The following XXYLT1 variants were observed in gnomAD, a reference collection of about 807,000 sequenced individuals.
XXYLT1 encodes the protein UDP-xylose:alpha-xyloside alpha-1,3-xylosyltransferase.
XXYLT1 carries 20 observed loss-of-function variants against 28.9 expected under a neutral mutation model. The observed-to-expected ratio is 0.69, with a 90% CI of 0.49 to 1.00. The LOEUF is 1.00. XXYLT1 is among the 50% of genes least tolerant of loss of function. The pLI, the probability that XXYLT1 is intolerant of heterozygous loss-of-function variation, is 0.00. For synonymous variants in XXYLT1, 257 were observed against 253.8 expected (o/e 1.01, Z -0.12); for missense variants, 542 against 560.1 (o/e 0.97, Z 0.33).
Position 195,173,375 on chromosome 3 carries a change from T to C in XXYLT1, c.653-16794A>G, listed in dbSNP as rs1399148689. Among the ~76,000 whole-genome samples the C allele has an allele frequency of 1.3e-5, 2 of 152,124 alleles. No individual in the cohort carries two copies. Among genetic ancestry groups the C allele is most frequent in the African/African-American group, 4.8e-5 (2 of 41,426 alleles). On this transcript the variant is annotated intron_variant, in intron 2 of 3. Coordinates refer to ENST00000310380, the MANE Select transcript of XXYLT1 (RefSeq NM_152531.5). The surrounding 1 kb of genome is among the most constrained non-coding windows in gnomAD (Gnocchi z 4.3). ...CATCTGCCTGGCCATTATGGCCTGG[T>C]TCTGCTCCTGGCCTCATTCTCCTTT...
chr3:195,114,020 G>C (rs1199684831), intron 3 of XXYLT1, among the ~76,000 whole-genome samples: 2 of 152,188 alleles, frequency 1.3e-5, no homozygotes, highest in Admixed American at 6.5e-5. Context: ...AGCCATGAGT[G>C]CCCAATTTGG....
intron 2 of XXYLT1, among the ~76,000 whole-genome samples, chr3:195,171,252 C>T (rs1047509592): frequency 1.4e-4 from 21 of 152,226 alleles, no homozygotes; most frequent in African/African-American, 5.1e-4. Context: ...CTAAGTTCTC[C>T]TGGCAGCCCT....
At position 195,070,083 on chromosome 3, in the gene XXYLT1, T is replaced by G. The variant is rs754672845; in HGVS notation, c.814A>C (p.Asn272His). ...RHTFWQFRHE[N>H]PQTRVGGPPP... ...GGGCCCCCAACCCGGGTCTGGGGGTTCTCATGGCGGAACTGCCAGAATGTG... is the reference window on the plus strand; with the variant it reads ...GGGCCCCCAACCCGGGTCTGGGGGTGCTCATGGCGGAACTGCCAGAATGTG... Residue 272 changes from asparagine (N) to histidine (H), a missense_variant, in exon 4 of 4, where the codon AAC becomes CAC. By Grantham distance (68) the Asn-to-His change is moderately conservative. Coordinates refer to ENST00000310380, the MANE Select transcript of XXYLT1 (RefSeq NM_152531.5). 1 of 1,582,042 alleles carries G rather than the reference T, an allele frequency of 6.3e-7. No individual in the cohort carries two copies.
At chr3:195,110,296 T>TG (rs1560100685) in intron 3 of XXYLT1, among the ~76,000 whole-genome samples, 1 of 5,978 alleles carries the variant, frequency 1.7e-4, no homozygotes, top group African/African-American at 6.1e-4. Context: ...TATGTGTGCG[T>TG]GTGTGGTATA....
intron 2 of XXYLT1, chr3:195,175,759 G>C (rs971622258): frequency 2.4e-5 from 37 of 1,526,048 alleles, no homozygotes; most frequent in Non-Finnish European, 3.2e-5. Context: ...CAGGGCCTCA[G>C]CCACTGCTCC....
rs59902366 is a variant in XXYLT1 at position 195,129,029 on chromosome 3, A to G, written c.785+27420T>C. Among the ~76,000 whole-genome samples, 6,446 of 152,302 alleles carry G rather than the reference A, an allele frequency of 0.042. 465 individuals are homozygous for G. The highest frequency in any genetic ancestry group is 0.15 in the African/African-American group (6,079 of 41,544). On this transcript the variant is annotated intron_variant, in intron 3 of 3. Coordinates refer to ENST00000310380, the MANE Select transcript of XXYLT1 (RefSeq NM_152531.5). The surrounding 1 kb of genome is among the most constrained non-coding windows in gnomAD (Gnocchi z 4.4). ...AGTAAAAAGGCAACTAAATCATTAA[A>G]ATGAAATAAAAATTTTCATCTTTTA...
intron 1 of XXYLT1, among the ~76,000 whole-genome samples, chr3:195,269,921 T>G (rs1725961825): frequency 6.6e-6 from 1 of 152,198 alleles, no homozygotes; most frequent in Non-Finnish European, 1.5e-5. Context: ...GGCGGCCAGC[T>G]GTGCTCTCCC....
intron 3 of XXYLT1, among the ~76,000 whole-genome samples, chr3:195,098,369 T>C (rs555477981): frequency 2.0e-5 from 3 of 152,080 alleles, no homozygotes; most frequent in Non-Finnish European, 4.4e-5. Flanking sequence ...CTGGCTAACA[T>C]GTTGAAACCC....
At chr3:195,104,825 C>G (rs919501643) in intron 3 of XXYLT1, among the ~76,000 whole-genome samples, 2 of 152,182 alleles carry the variant, frequency 1.3e-5, no homozygotes, top group African/African-American at 4.8e-5. Context: ...CACCAAAAAC[C>G]CTCTTCTGTC....
intron 2 of XXYLT1, among the ~76,000 whole-genome samples, chr3:195,205,818 G>A (rs959901729): frequency 2.0e-5 from 3 of 152,084 alleles, no homozygotes; most frequent in South Asian, 2.1e-4. Context: ...AGCCGAGATC[G>A]TGCCACTGCA....
intron 3 of XXYLT1, among the ~76,000 whole-genome samples, chr3:195,110,225 ATAAGTGTGTGGTGTG>A (rs1717470699): frequency 1.2e-3 from 34 of 29,466 alleles, no homozygotes; most frequent in East Asian, 2.7e-3. Context: ...TGTGTGGTGT[ATAAGTGTGTGGTGTG>A]CGTGTGTGGG....
chr3:195,115,512 C>T lies in XXYLT1; in HGVS notation c.785+40937G>A, dbSNP rs1480369335. Reference sequence around the variant, plus strand: ...CAACAAGAAACTCCTTCTGCTTACACCACCTGGAGTGGTTTCTGCTTCCTA... The same window carrying T: ...CAACAAGAAACTCCTTCTGCTTACATCACCTGGAGTGGTTTCTGCTTCCTA... On this transcript the variant is annotated intron_variant, in intron 3 of 3. Transcript: ENST00000310380. This position sits in a 1 kb window ranked among gnomAD's most constrained non-coding sequence, Gnocchi z 4.2. Among the ~76,000 whole-genome samples the T allele has an allele frequency of 6.6e-6, 1 of 152,216 alleles. No individual in the cohort carries two copies. Among genetic ancestry groups the T allele is most frequent in the Non-Finnish European group, 1.5e-5 (1 of 68,030 alleles).
intron 3 of XXYLT1, among the ~76,000 whole-genome samples, chr3:195,123,180 CA>C (rs1248387250): frequency 0.018 from 2,568 of 142,848 alleles, 69 homozygotes; most frequent in African/African-American, 0.062. Context: ...TCTAATTTAC[CA>C]AAAAAAAAAA....
In XXYLT1 at chr3:195,173,458, G is replaced by A. The variant is rs1271551279; in HGVS notation, c.653-16877C>T. Among the ~76,000 whole-genome samples the A allele has an allele frequency of 6.6e-6, 1 of 152,170 alleles. No homozygotes were observed. Among genetic ancestry groups the A allele is most frequent in the Non-Finnish European group, 1.5e-5 (1 of 68,044 alleles). Reference sequence around the variant, plus strand: ...TAACATTCTGGTTCATATAAGACTGGGCGGAAGAACAGCTCCCAGCACAGC... The same window carrying A: ...TAACATTCTGGTTCATATAAGACTGAGCGGAAGAACAGCTCCCAGCACAGC... On this transcript the variant is annotated intron_variant, in intron 2 of 3. Transcript: ENST00000310380. This position sits in a 1 kb window ranked among gnomAD's most constrained non-coding sequence, Gnocchi z 4.3.
chr3:195,104,198 CGTGTGTGTGTGT>C (rs59361512), intron 3 of XXYLT1, among the ~76,000 whole-genome samples: 2,519 of 142,056 alleles, frequency 0.018, 99 homozygotes, highest in East Asian at 0.16. Context: ...ATGAGGGCTC[CGTGTGTGTGTGT>C]GTGTGTGTGT....
At chr3:195,259,559 G>T in intron 1 of XXYLT1, 1 of 985,420 alleles carries the variant, frequency 1.0e-6, no homozygotes, top group Non-Finnish European at 1.2e-6. Context: ...CTCCCAGGGA[G>T]AGGCCTCCCG....
intron 1 of XXYLT1, among the ~76,000 whole-genome samples, chr3:195,268,543 A>G (rs1357672452): frequency 6.6e-5 from 10 of 151,890 alleles, no homozygotes; most frequent in Admixed American, 6.6e-4. Context: ...GGTTGCAGTG[A>G]GCTGAGATCG....
rs932075030 is a variant in XXYLT1, at chr3:195,078,806, C to T, written c.786-8695G>A. On this transcript the variant is annotated intron_variant, in intron 3 of 3. Coordinates refer to ENST00000310380, the MANE Select transcript of XXYLT1 (RefSeq NM_152531.5). The surrounding 1 kb of genome is among the most constrained non-coding windows in gnomAD (Gnocchi z 5.0). ...ACCATCCGGCTGGCAGCTCCTTGCT[C>T]GCCGCCTGGGATCCCCTTCCTCTCT... Among the ~76,000 whole-genome samples, 1 of 150,478 alleles carries T rather than the reference C, an allele frequency of 6.6e-6. No individual in the cohort carries two copies. The highest frequency in any genetic ancestry group is 1.5e-5 in the Non-Finnish European group (1 of 67,570).
At chr3:195,138,340 G>T (rs957600665) in intron 3 of XXYLT1, among the ~76,000 whole-genome samples, 3 of 152,178 alleles carry the variant, frequency 2.0e-5, no homozygotes, top group Non-Finnish European at 4.4e-5. Context: ...CTGGATTTGT[G>T]AGACTAGGAG....
Sources: allele counts gnomAD v4.1 joint callset (sites outside exome capture counted in the v4.1 genomes callset), GRCh38; gene constraint gnomAD v4.1.1; non-coding constraint Gnocchi (gnomAD v3.1); transcripts MANE v1.5; gene names NCBI Gene and HGNC (gene_info 2026-07-23, HGNC 2026-07-21).